Variants in PTPRT observed in about 807,000 individuals in gnomAD.
The protein encoded by PTPRT is receptor-type tyrosine-protein phosphatase T.
In PTPRT, 56 loss-of-function variants were observed where a neutral mutation model predicts 176.8. The observed-to-expected ratio is 0.32, with a 90% CI of 0.26 to 0.40. The LOEUF is 0.40. Ranked by LOEUF, PTPRT falls within the 10% of genes least tolerant of loss-of-function variation. PTPRT has a pLI of 1.00. For missense variants in PTPRT, 1,540 were observed against 1,908.2 expected (o/e 0.81, Z 3.60); for synonymous variants, 783 against 739.0 (o/e 1.06, Z -0.96).
rs189105091 is a variant in PTPRT, at chr20:42,112,484, A to C, written c.3100-1997T>G. Among the ~76,000 whole-genome samples, 909 of 152,290 alleles carry C rather than the reference A, an allele frequency of 6.0e-3. 5 individuals are homozygous for C. The highest frequency in any genetic ancestry group is 9.8e-3 in the Non-Finnish European group (669 of 68,026). On this transcript the variant is annotated intron_variant, in intron 22 of 30. Transcript: ENST00000373187. ...ACTGACGGGTTGCCCGGTACGTGGGACTTTCAGTGCTAAAACCAGTAATGT... is the reference window on the plus strand; with the variant it reads ...ACTGACGGGTTGCCCGGTACGTGGGCCTTTCAGTGCTAAAACCAGTAATGT...
At chr20:42,701,550 CCAAAAAGGGA>C (rs766787165) in intron 6 of PTPRT, among the ~76,000 whole-genome samples, 1 of 152,088 alleles carries the variant, frequency 6.6e-6, no homozygotes, top group Non-Finnish European at 1.5e-5. Flanking sequence ...AAGAAATTCC[CCAAAAAGGGA>C]CAAGTGGACC....
intron 1 of PTPRT, among the ~76,000 whole-genome samples, chr20:42,953,173 C>G (rs1981367328): frequency 6.6e-6 from 1 of 152,206 alleles, no homozygotes; most frequent in African/African-American, 2.4e-5. Flanking sequence ...TAAATGACAG[C>G]TCCCTTGAGT....
chr20:42,102,323 A>G, intron 25 of PTPRT, 26 bp from the exon 26 acceptor site: 1 of 1,604,752 alleles, frequency 6.2e-7, no homozygotes, highest in African/African-American at 1.3e-5. Flanking sequence ...GTGAATAGAT[A>G]GGCCCTGCTC....
intron 7 of PTPRT, among the ~76,000 whole-genome samples, chr20:42,665,356 T>C (rs980842962): frequency 3.9e-5 from 6 of 152,232 alleles, no homozygotes; most frequent in Admixed American, 6.5e-5. Context: ...TCATCATCAC[T>C]GGCCATCAGA....
chr20:42,234,456 C>T (rs578127640), intron 15 of PTPRT, among the ~76,000 whole-genome samples: 2 of 152,198 alleles, frequency 1.3e-5, no homozygotes, highest in Non-Finnish European at 2.9e-5. Flanking sequence ...TGTTTCGTAC[C>T]TCCGTGTCTT....
At chr20:42,578,647 G>T (rs913895256) in intron 7 of PTPRT, among the ~76,000 whole-genome samples, 2 of 152,058 alleles carry the variant, frequency 1.3e-5, no homozygotes, top group African/African-American at 4.8e-5. Flanking sequence ...AAATCTGTTG[G>T]CTGGATCTTA....
At chr20:42,695,197 T>C (rs186461030) in intron 6 of PTPRT, among the ~76,000 whole-genome samples, 245 of 152,364 alleles carry the variant, frequency 1.6e-3, no homozygotes, top group African/African-American at 5.7e-3. Context: ...CCTCCTTGCC[T>C]GAGCTTTCAC....
intron 14 of PTPRT, 64 bp from the exon 15 acceptor site, chr20:42,236,322 C>A: frequency 1.5e-6 from 2 of 1,302,866 alleles, no homozygotes; most frequent in Non-Finnish European, 2.2e-6. Flanking sequence ...AAAAGACAAA[C>A]AAACAAGAAT....
At chr20:42,986,715 G>T (rs1261662800) in intron 1 of PTPRT, among the ~76,000 whole-genome samples, 1 of 152,142 alleles carries the variant, frequency 6.6e-6, no homozygotes, top group African/African-American at 2.4e-5. Context: ...CTCATTTGAG[G>T]CTCATGAAAC....
Position 42,115,304 on chromosome 20 carries a change from C to T in PTPRT, c.2994G>A (p.Val998=), listed in dbSNP as rs2146312410. The T allele has an allele frequency of 6.2e-7, 1 of 1,613,694 alleles. No individual in the cohort carries two copies. The highest frequency in any genetic ancestry group is 8.5e-7 in the Non-Finnish European group (1 of 1,179,642). Residue 998 remains valine, a synonymous_variant, in exon 22 of 31, where the codon GTG becomes GTA. Transcript: ENST00000373187. ...NLVEVGRVKC[V]RYWPDDTEVY... ...CCTCCGTGTCATCTGGCCAGTATCG[C>T]ACACATTTCACCTGTGGCCAAGTGA...
intron 1 of PTPRT, among the ~76,000 whole-genome samples, chr20:42,945,521 C>T (rs1229909381): frequency 1.3e-5 from 2 of 152,192 alleles, no homozygotes; most frequent in Non-Finnish European, 2.9e-5. Flanking sequence ...GAGACAAAAC[C>T]CCAGCGGATG....
chr20:42,935,936 C>CA (rs1213246448), intron 1 of PTPRT, among the ~76,000 whole-genome samples: 4 of 152,182 alleles, frequency 2.6e-5, no homozygotes, highest in African/African-American at 2.4e-5. Context: ...TTAATAGAGA[C>CA]AGAGTTTGTC....
intron 6 of PTPRT, among the ~76,000 whole-genome samples, chr20:42,698,571 A>G (rs992889241): frequency 1.2e-4 from 19 of 152,350 alleles, no homozygotes; most frequent in South Asian, 8.3e-4. Context: ...CATGCAGAGA[A>G]GTTTTGGAGT....
chr20:42,570,646 C>T (rs2073137498), intron 7 of PTPRT, among the ~76,000 whole-genome samples: 1 of 152,064 alleles, frequency 6.6e-6, no homozygotes, highest in East Asian at 1.9e-4. Context: ...GAATTGGTCA[C>T]CTATCTCATT....
intron 7 of PTPRT, among the ~76,000 whole-genome samples, chr20:42,593,984 G>A (rs575054512): frequency 5.3e-5 from 8 of 152,180 alleles, no homozygotes; most frequent in Admixed American, 5.2e-4. Flanking sequence ...ATTATCTGTA[G>A]AGTCTCTTGG....
In PTPRT at chr20:42,199,308, G is replaced by A. The variant is rs543801617; in HGVS notation, c.2423C>T (p.Thr808Ile). The A allele has an allele frequency of 2.5e-6, 4 of 1,614,198 alleles. No individual in the cohort carries two copies. In the South Asian group the frequency reaches 4.4e-5, roughly 18 times the overall value. The change falls in exon 16 of 31, where the codon ACC (threonine) becomes ATC (isoleucine). Residue 808 changes from threonine to isoleucine, a missense_variant. Around this residue, in one of 11 missense-constraint regions of PTPRT, gnomAD observed 255 missense variants for 250.1 expected, o/e 1.02. Transcript: ENST00000373187. ...MGPVASADKP[T>I]TKLSASRNDE... Reference sequence around the variant, plus strand: ...ATTGCGGCTGGCGCTGAGCTTGGTGGTGGGTTTGTCGGCAGAGGCCACAGG... The same window carrying A: ...ATTGCGGCTGGCGCTGAGCTTGGTGATGGGTTTGTCGGCAGAGGCCACAGG...
intron 21 of PTPRT, among the ~76,000 whole-genome samples, chr20:42,117,338 G>A (rs918883111): frequency 2.6e-5 from 4 of 152,198 alleles, no homozygotes; most frequent in African/African-American, 9.7e-5. Flanking sequence ...TAGTTCATAT[G>A]ATGTGTAGAG....
At chr20:42,050,117 A>G in the PTPRT span, among the ~76,000 whole-genome samples, 6 of 152,236 alleles carry the variant, frequency 3.9e-5, no homozygotes, top group African/African-American at 1.2e-4. Context: ...CTCACTACCA[A>G]TTTGGGGATC....
intron 7 of PTPRT, among the ~76,000 whole-genome samples, chr20:42,599,385 C>A (rs1448920370): frequency 6.6e-6 from 1 of 152,136 alleles, no homozygotes; most frequent in Non-Finnish European, 1.5e-5. Flanking sequence ...TTCTGCAAAC[C>A]ACCGGAGCTT....
Sources: allele counts gnomAD v4.1 joint callset (sites outside exome capture counted in the v4.1 genomes callset), GRCh38; gene constraint gnomAD v4.1.1; regional missense constraint gnomAD v4.1.1; transcripts MANE v1.5; gene names NCBI Gene and HGNC (gene_info 2026-07-23, HGNC 2026-07-21).